The following MDM2 variants were observed in gnomAD, a reference collection of about 807,000 sequenced individuals.
MDM2 encodes the protein E3 ubiquitin-protein ligase Mdm2.
MDM2 carries 11 observed loss-of-function variants against 64.3 expected under a neutral mutation model. That is an observed-to-expected ratio of 0.17 (90% CI 0.11 to 0.28). MDM2 has a LOEUF of 0.28. Among genes scored for constraint, MDM2 ranks in the 10% least tolerant of loss-of-function variants. The probability of loss-of-function intolerance (pLI) is 1.00; values close to 1 mark genes in which losing one functional copy is unlikely to be tolerated. For missense variants in MDM2, 388 were observed against 577.1 expected, an observed-to-expected ratio of 0.67 and a Z score of 3.36; for synonymous variants, 194 against 192.9, an observed-to-expected ratio of 1.01 and a Z score of -0.05.
chr12:68,811,891 C>T (rs777448739), intron 2 of MDM2, among the ~76,000 whole-genome samples: 14 of 152,054 alleles, frequency 9.2e-5, no homozygotes, highest in South Asian at 2.1e-4. Flanking sequence ...TGAGCCACTG[C>T]GCCTGGCCCA....
intron 8 of MDM2, among the ~76,000 whole-genome samples, chr12:68,834,919 TA>T (rs1249829878): frequency 1.3e-5 from 2 of 152,198 alleles, no homozygotes; most frequent in African/African-American, 2.4e-5. Flanking sequence ...ACTAGGTTCT[TA>T]TACAATTTAT....
intron 3 of MDM2, among the ~76,000 whole-genome samples, chr12:68,816,590 C>CT (rs1246662946): frequency 1.3e-5 from 2 of 151,966 alleles, no homozygotes; most frequent in African/African-American, 4.8e-5. Flanking sequence ...ATCTCCTGAC[C>CT]TCGTGATCCA....
chr12:68,836,014 T>G, intron 9 of MDM2, 30 bp downstream of exon 9: 1 of 1,515,746 alleles, frequency 6.6e-7, no homozygotes, highest in African/African-American at 1.4e-5. Flanking sequence ...CTAATTATAT[T>G]GGAAAATTAT....
At chr12:68,833,148 A>AG in intron 8 of MDM2, among the ~76,000 whole-genome samples, 1 of 100,460 alleles carries the variant, frequency 1.0e-5, no homozygotes, top group Admixed American at 1.1e-4. Context: ...AAAAAAAAAA[A>AG]AATATATATA....
intron 4 of MDM2, among the ~76,000 whole-genome samples, chr12:68,818,240 T>C (rs1195259612): frequency 1.3e-5 from 2 of 152,142 alleles, no homozygotes; most frequent in South Asian, 2.1e-4. Flanking sequence ...ATAGTATAGC[T>C]GAAAAGATGA....
At chr12:68,849,771 C>T (rs1448175976), downstream of MDM2, 1 of 151,786 alleles carries the variant, frequency 6.6e-6, no homozygotes, top group Non-Finnish European at 1.5e-5. Context: ...AGCCACCATG[C>T]CTGGCAAATT....
downstream of MDM2, chr12:68,847,815 C>CA (rs1356075197): frequency 6.6e-6 from 1 of 152,170 alleles, no homozygotes; most frequent in Non-Finnish European, 1.5e-5. Flanking sequence ...TGTTGATTGG[C>CA]ATTGAAAGCA....
At chr12:68,819,691 A>T (rs965479317) in intron 4 of MDM2, among the ~76,000 whole-genome samples, 1 of 152,136 alleles carries the variant, frequency 6.6e-6, no homozygotes, top group South Asian at 2.1e-4. Context: ...GGGTTTCTCC[A>T]TGTTGGTCAG....
rs1266759569 is a variant in MDM2, at chr12:68,839,276, C to T, written c.921C>T (p.Asp307=). 6.2e-7 allele frequency: 1 copy of T among 1,610,356 alleles called. No homozygotes were observed. The highest frequency in any genetic ancestry group is 2.2e-5 in the East Asian group (1 of 44,846). The change falls in exon 11 of 11, where the codon GAC becomes GAT. Residue 307 remains aspartate, a splice_region_variant and synonymous_variant. Transcript: ENST00000258149. The part of the protein sequence containing the change: ...FEEDPEISLA[D]YWKCTSCNEM... The stretch of plus-strand genomic sequence containing the variant: ...CTGTGTGTCTTATTTCATTGAAGGA[C>T]TATTGGAAATGCACTTCATGCAATG...
rs1333470404 is a variant in MDM2, at chr12:68,825,379, C to T, written c.523+728C>T. On this transcript the variant is annotated intron_variant, in intron 7 of 10. Transcript: ENST00000258149. ...TAGAAATGAAGAGATAAGGGCCGGG[C>T]GCAGTGGCTCACGCCTGTAATCCCA... 7.9e-5 allele frequency among the ~76,000 whole-genome samples: 12 copies of T among 151,566 alleles called. No homozygotes were observed. In the South Asian group the frequency reaches 1.7e-3, roughly 21 times the overall value.
chr12:68,832,548 C>T (rs1427387836), intron 8 of MDM2, among the ~76,000 whole-genome samples: 1 of 151,976 alleles, frequency 6.6e-6, no homozygotes, highest in Non-Finnish European at 1.5e-5. Context: ...TCTCTCACTC[C>T]GTTGCCCAGG....
Position 68,841,854 on chromosome 12 carries a change from A to C in MDM2, c.*2005A>C, listed in dbSNP as rs866054662. 2 of 213,814 alleles carry C rather than the reference A, an allele frequency of 9.4e-6. No homozygotes were observed. The highest frequency in any genetic ancestry group is 4.5e-5 in the African/African-American group (2 of 44,154). The allele number at this position is 213,814 out of a possible 1,614,324, so 13.2% of individuals were successfully genotyped here. ...AAGAATGACAGGGTCAGCATGTGGAATTCCAAGATACCTCTTGACTTCCTC... is the reference window on the plus strand; with the variant it reads ...AAGAATGACAGGGTCAGCATGTGGACTTCCAAGATACCTCTTGACTTCCTC... On this transcript the variant is annotated 3_prime_UTR_variant, in exon 11 of 11. Transcript: ENST00000258149.
chr12:68,826,865 C>T (rs1565740243), intron 7 of MDM2, among the ~76,000 whole-genome samples: 3 of 151,996 alleles, frequency 2.0e-5, no homozygotes, highest in Middle Eastern at 3.4e-3. Context: ...ACGTGCAGAA[C>T]TTGTGATCTC....
intron 3 of MDM2, among the ~76,000 whole-genome samples, chr12:68,813,915 G>A (rs1041253528): frequency 2.0e-5 from 3 of 152,134 alleles, no homozygotes; most frequent in African/African-American, 7.2e-5. Flanking sequence ...GTTTTTAAAT[G>A]TATGAAATAA....
downstream of MDM2, chr12:68,846,459 T>G (rs915210538): frequency 6.6e-6 from 1 of 152,242 alleles, no homozygotes; most frequent in Non-Finnish European, 1.5e-5. Context: ...GGTTAAATTT[T>G]AGCGCTTTTG....
chr12:68,828,604 TACAC>T (rs1267877029), intron 7 of MDM2, 163 bp from the exon 8 acceptor site: 2 of 571,162 alleles, frequency 3.5e-6, no homozygotes, highest in African/African-American at 1.9e-5. Context: ...AATAAATAAA[TACAC>T]ACAGATAGTG....
chr12:68,814,209 C>T (rs182292202), intron 3 of MDM2, among the ~76,000 whole-genome samples: 72 of 152,238 alleles, frequency 4.7e-4, no homozygotes, highest in African/African-American at 1.6e-3. Flanking sequence ...CCTGCCACCA[C>T]GCCTGGCTAA....
intron 3 of MDM2, among the ~76,000 whole-genome samples, chr12:68,815,174 A>C (rs1881242449): frequency 6.6e-6 from 1 of 152,226 alleles, no homozygotes; most frequent in African/African-American, 2.4e-5. Context: ...GATTGACCTT[A>C]TTATCATTGG....
At position 68,828,722 on chromosome 12, in the gene MDM2, T is replaced by C; in HGVS notation, c.524-49T>C. The C allele has an allele frequency of 1.9e-6, 3 of 1,573,994 alleles. No individual in the cohort carries two copies. In the South Asian group the frequency reaches 3.4e-5, roughly 18 times the overall value. ...CAAATAGGTACTCAAAACAGCTCAA[T>C]TTTCTAAATCACAGTACAGCAATTT... On this transcript the variant is annotated intron_variant, in intron 7 of 10. Transcript: ENST00000258149.
Sources: allele counts gnomAD v4.1 joint callset (sites outside exome capture counted in the v4.1 genomes callset), GRCh38; gene constraint gnomAD v4.1.1; transcripts MANE v1.5; gene names NCBI Gene and HGNC (gene_info 2026-07-23, HGNC 2026-07-21).